Variants in MTCL2 observed in about 807,000 individuals in gnomAD.
The protein encoded by MTCL2 is microtubule cross-linking factor 2.
the MTCL2 span, among the ~76,000 whole-genome samples, chr20:36,819,315 G>T: frequency 5.3e-5 from 8 of 152,116 alleles, no homozygotes; most frequent in African/African-American, 1.9e-4. Flanking sequence ...GTATATTTTT[G>T]AAAATGGCCC....
chr20:36,784,572 G>C, the MTCL2 span: 2 of 985,552 alleles, frequency 2.0e-6, no homozygotes, highest in Non-Finnish European at 2.4e-6. Context: ...TCCCCAGTCA[G>C]TTACAGGAAG....
At chr20:36,846,462 C>T in the MTCL2 span, among the ~76,000 whole-genome samples, 3 of 152,212 alleles carry the variant, frequency 2.0e-5, no homozygotes, top group African/African-American at 7.2e-5. Context: ...GGGACCAGGG[C>T]ACCCACACTG....
the MTCL2 span, among the ~76,000 whole-genome samples, chr20:36,788,272 C>T: frequency 1.3e-5 from 2 of 151,378 alleles, no homozygotes; most frequent in Non-Finnish European, 2.9e-5. Flanking sequence ...ATCCTTTGAG[C>T]CCAGGAGGTC....
At chr20:36,843,496 G>A in the MTCL2 span, among the ~76,000 whole-genome samples, 1 of 147,160 alleles carries the variant, frequency 6.8e-6, no homozygotes, top group South Asian at 2.2e-4. Flanking sequence ...CAGAACCAGA[G>A]TGGAGAGGAG....
At chr20:36,786,378 G>A in the MTCL2 span, 1 of 1,390,346 alleles carries the variant, frequency 7.2e-7, no homozygotes, top group African/African-American at 1.4e-5. Context: ...TCCAGGGCCA[G>A]GCAATGCTGA....
At chr20:36,815,257 G>A in the MTCL2 span, 4 of 1,613,986 alleles carry the variant, frequency 2.5e-6, no homozygotes, top group South Asian at 1.1e-5. The surrounding 1 kb of genome is among the most constrained non-coding windows in gnomAD (Gnocchi z 5.3). Flanking sequence ...TCTGCCTTCC[G>A]CGTGAAGGCA....
chr20:36,855,000 C>CAA, the MTCL2 span, among the ~76,000 whole-genome samples: 2 of 152,126 alleles, frequency 1.3e-5, no homozygotes, highest in Admixed American at 1.3e-4. Flanking sequence ...GCATAACACT[C>CAA]AGACTGATGC....
chr20:36,853,126 T>C, the MTCL2 span, among the ~76,000 whole-genome samples: 135,140 of 151,770 alleles, frequency 0.89, 60,634 homozygotes, highest in African/African-American at 0.98. Flanking sequence ...CCGTGCCACA[T>C]GATGTCCCCA....
At chr20:36,801,471 G>A in the MTCL2 span, among the ~76,000 whole-genome samples, 1 of 152,076 alleles carries the variant, frequency 6.6e-6, no homozygotes, top group Non-Finnish European at 1.5e-5. Context: ...AGCGACTCGG[G>A]AGGCTGAGGT....
At chr20:36,839,124 TG>T in the MTCL2 span, 1 of 1,224,066 alleles carries the variant, frequency 8.2e-7, no homozygotes, top group Non-Finnish European at 1.2e-6. The surrounding 1 kb of genome is among the most constrained non-coding windows in gnomAD (Gnocchi z 5.1). Flanking sequence ...AACTTGGCCA[TG>T]GACACACGGA....
chr20:36,792,053 G>A, the MTCL2 span, among the ~76,000 whole-genome samples: 2 of 152,210 alleles, frequency 1.3e-5, no homozygotes, highest in African/African-American at 4.8e-5. Context: ...TGAGCACTTA[G>A]GTGTGAAGTC....
At chr20:36,805,361 C>T in the MTCL2 span, among the ~76,000 whole-genome samples, 4 of 152,126 alleles carry the variant, frequency 2.6e-5, no homozygotes, top group African/African-American at 4.8e-5. Flanking sequence ...CCCAGCTCAC[C>T]GTGTGTGACC....
At chr20:36,851,205 T>C in the MTCL2 span, among the ~76,000 whole-genome samples, 3 of 152,178 alleles carry the variant, frequency 2.0e-5, no homozygotes, top group South Asian at 6.2e-4. Context: ...GTATATTGTA[T>C]ATATTTGTAC....
the MTCL2 span, among the ~76,000 whole-genome samples, chr20:36,841,707 CTTTTG>C: frequency 6.6e-6 from 1 of 152,022 alleles, no homozygotes; most frequent in Non-Finnish European, 1.5e-5. Flanking sequence ...TGTTTGCTTG[CTTTTG>C]TTTTGAGATG....
the MTCL2 span, among the ~76,000 whole-genome samples, chr20:36,842,286 C>A: frequency 6.6e-6 from 1 of 151,986 alleles, no homozygotes; most frequent in Non-Finnish European, 1.5e-5. Context: ...TTAGTCAGGT[C>A]AAAAACAACA....
chr20:36,849,690 T>C, the MTCL2 span, among the ~76,000 whole-genome samples: 4 of 152,160 alleles, frequency 2.6e-5, no homozygotes, highest in African/African-American at 9.7e-5. Flanking sequence ...CTAAGAAAGA[T>C]TACTTTCTAT....
chr20:36,816,383 A>G, the MTCL2 span: 2 of 1,295,162 alleles, frequency 1.5e-6, no homozygotes, highest in Non-Finnish European at 2.1e-6. Context: ...CATTTTGGGG[A>G]GCACTATGTG....
the MTCL2 span, among the ~76,000 whole-genome samples, chr20:36,840,749 G>A: frequency 2.6e-5 from 4 of 152,050 alleles, no homozygotes; most frequent in South Asian, 8.3e-4. Context: ...GGGAGGCTGA[G>A]GCAGGAGAAT....
At chr20:36,801,772 C>T in the MTCL2 span, among the ~76,000 whole-genome samples, 1 of 151,816 alleles carries the variant, frequency 6.6e-6, no homozygotes, top group African/African-American at 2.4e-5. Flanking sequence ...TCGAGACCAG[C>T]CTGGCCAACA....
Sources: allele counts gnomAD v4.1 joint callset (sites outside exome capture counted in the v4.1 genomes callset), GRCh38; gene constraint gnomAD v4.1.1; non-coding constraint Gnocchi (gnomAD v3.1); transcripts MANE v1.5; gene names NCBI Gene and HGNC (gene_info 2026-07-23, HGNC 2026-07-21).